The following STXBP5 variants were observed in gnomAD, a reference collection of about 807,000 sequenced individuals.
The protein encoded by STXBP5 is syntaxin binding protein 5.
In STXBP5, 50 loss-of-function variants were observed where a neutral mutation model predicts 152.4. The observed-to-expected ratio is 0.33, with a 90% CI of 0.26 to 0.42. STXBP5 has a LOEUF of 0.42. Ranked by LOEUF, STXBP5 falls within the 10% of genes least tolerant of loss-of-function variation. STXBP5 has a pLI of 1.00. For synonymous variants in STXBP5, 492 were observed against 494.7 expected (o/e 0.99, Z 0.07); for missense variants, 1,167 against 1,388.6 (o/e 0.84, Z 2.54).
rs150494629 is a variant in STXBP5 at position 147,233,734 on chromosome 6, C to G, written c.249-1516C>G. Among the ~76,000 whole-genome samples, 556 of 151,516 alleles carry G rather than the reference C, an allele frequency of 3.7e-3. 5 individuals are homozygous for G. The highest frequency in any genetic ancestry group is 0.013 in the African/African-American group (523 of 41,502). On this transcript the variant is annotated intron_variant, in intron 2 of 27. Transcript: ENST00000321680. ...AGATACAGACTTTTCTTTTTTTGGC[C>G]TATCACGGTGTGATTTGCACATTGC...
At chr6:147,244,176 A>G (rs377628763) in intron 4 of STXBP5, among the ~76,000 whole-genome samples, 11 of 152,356 alleles carry the variant, frequency 7.2e-5, no homozygotes, top group African/African-American at 2.6e-4. Flanking sequence ...GGATGTGCAT[A>G]GGCTATATGC....
rs17054180 is a variant in STXBP5 at position 147,283,434 on chromosome 6, C to G, written c.838+5230C>G. ...TATGTATTTGAAAAGACTTACCAGA[C>G]TCCACAGAGCATACTCAAACAAGAC... On this transcript the variant is annotated intron_variant, in intron 8 of 27. Transcript: ENST00000321680. Among the ~76,000 whole-genome samples, 1,516 of 152,260 alleles carry G rather than the reference C, an allele frequency of 1.0e-2. 67 individuals are homozygous for G. In the East Asian group the frequency reaches 0.16, roughly 16 times the overall value.
intron 7 of STXBP5, among the ~76,000 whole-genome samples, chr6:147,274,270 ATTC>A (rs1005229691): frequency 3.3e-5 from 5 of 152,210 alleles, no homozygotes; most frequent in Non-Finnish European, 5.9e-5. Context: ...TCATTCATTC[ATTC>A]TTCTTTAGAG....
At chr6:147,292,141 C>T (rs1781309670) in intron 9 of STXBP5, 1 of 386,084 alleles carries the variant, frequency 2.6e-6, no homozygotes, top group Admixed American at 3.2e-5. Context: ...ACAACTGGCC[C>T]ACTCACTTTT....
intron 2 of STXBP5, among the ~76,000 whole-genome samples, chr6:147,233,848 A>G (rs1778134974): frequency 6.7e-6 from 1 of 150,254 alleles, no homozygotes. Flanking sequence ...TACTACTACT[A>G]TTACTATTAT....
At chr6:147,266,031 G>A (rs545611387) in intron 6 of STXBP5, among the ~76,000 whole-genome samples, 1 of 152,164 alleles carries the variant, frequency 6.6e-6, no homozygotes, top group African/African-American at 2.4e-5. Context: ...AAGATGAGAA[G>A]GACTAGTCAG....
chr6:147,315,244 A>T (rs138954276), intron 14 of STXBP5, among the ~76,000 whole-genome samples: 24 of 152,256 alleles, frequency 1.6e-4, no homozygotes, highest in Non-Finnish European at 3.4e-4. Context: ...ATTTTTCCAA[A>T]ATGTTTTTAT....
rs1157098794 is a variant in STXBP5, at chr6:147,374,328, ATGCT to A, written c.3193+489_3193+492del. On this transcript the variant is annotated intron_variant, in intron 26 of 27. Coordinates refer to ENST00000321680, the MANE Select transcript of STXBP5 (RefSeq NM_001127715.4). ...CTTGAATGAACTAATGAATCAGTGA[ATGCT>A]TGACCTTTCTTATGAATGGCAGCTA... Among the ~76,000 whole-genome samples the A allele has an allele frequency of 2.6e-5, 4 of 152,298 alleles. No homozygotes were observed. In the East Asian group the frequency reaches 5.8e-4, roughly 22 times the overall value.
chr6:147,373,640 CTTAAG>C (rs566034055), intron 25 of STXBP5, 86 bp from the exon 26 acceptor site: 340 of 851,050 alleles, frequency 4.0e-4, no homozygotes, highest in South Asian at 1.2e-3. Context: ...ATGTTCTGAG[CTTAAG>C]TTAAGGAGTT....
At chr6:147,302,034 G>A (rs1451679629) in intron 9 of STXBP5, among the ~76,000 whole-genome samples, 1 of 152,122 alleles carries the variant, frequency 6.6e-6, no homozygotes, top group Non-Finnish European at 1.5e-5. Flanking sequence ...AGCTGTGTAA[G>A]TATATGCCCA....
At chr6:147,236,835 A>G (rs1467334788) in intron 3 of STXBP5, among the ~76,000 whole-genome samples, 4 of 150,776 alleles carry the variant, frequency 2.7e-5, no homozygotes, top group Non-Finnish European at 5.9e-5. Context: ...CTGGCATGCA[A>G]TGGCGTGGTC....
At chr6:147,270,605 C>G (rs1279350826) in intron 7 of STXBP5, among the ~76,000 whole-genome samples, 1 of 151,588 alleles carries the variant, frequency 6.6e-6, no homozygotes, top group Admixed American at 6.6e-5. Context: ...ACTTGCAGAC[C>G]TCAACTATAA....
intron 23 of STXBP5, among the ~76,000 whole-genome samples, chr6:147,360,435 A>G (rs1305901276): frequency 6.6e-6 from 1 of 152,242 alleles, no homozygotes; most frequent in Non-Finnish European, 1.5e-5. Context: ...TACATAGAGC[A>G]AGATTTCAGG....
rs1786286259 is a variant in STXBP5, at chr6:147,385,285, T to G, written c.*530T>G. On this transcript the variant is annotated 3_prime_UTR_variant, in exon 28 of 28. Coordinates refer to ENST00000321680, the MANE Select transcript of STXBP5 (RefSeq NM_001127715.4). ...TAGTGAAAAAGAAACAAATTGTTTGTTATCATCTCTTTAGACAGATAAGCT... is the reference window on the plus strand; with the variant it reads ...TAGTGAAAAAGAAACAAATTGTTTGGTATCATCTCTTTAGACAGATAAGCT... 1 of 152,588 alleles carries G rather than the reference T, an allele frequency of 6.6e-6. No homozygotes were observed. Among genetic ancestry groups the G allele is most frequent in the Non-Finnish European group, 1.5e-5 (1 of 68,378 alleles). The allele number at this position is 152,588 out of a possible 1,614,324, so 9.5% of individuals were successfully genotyped here. A position where few individuals can be genotyped will look rare whatever the true frequency, so the allele number is the denominator to read the frequency against.
At chr6:147,220,340 G>A (rs1167845084) in intron 2 of STXBP5, among the ~76,000 whole-genome samples, 1 of 152,014 alleles carries the variant, frequency 6.6e-6, no homozygotes. Context: ...AGAAGAATGT[G>A]TGTTTTGCTG....
intron 16 of STXBP5, among the ~76,000 whole-genome samples, chr6:147,317,849 G>A (rs962450136): frequency 1.3e-5 from 2 of 152,134 alleles, no homozygotes; most frequent in African/African-American, 4.8e-5. Flanking sequence ...TAAATGTTCC[G>A]TTAATGCCCT....
intron 2 of STXBP5, among the ~76,000 whole-genome samples, chr6:147,221,937 C>T (rs941575457): frequency 6.6e-6 from 1 of 151,858 alleles, no homozygotes; most frequent in African/African-American, 2.4e-5. Context: ...ATACTCTGTT[C>T]TGTTTTTTTC....
intron 8 of STXBP5, 145 bp from the exon 9 acceptor site, chr6:147,290,949 T>C (rs1460640003): frequency 5.9e-6 from 3 of 506,368 alleles, no homozygotes; most frequent in Non-Finnish European, 1.0e-5. Context: ...AATATCTTAC[T>C]GTGTATTAAA....
chr6:147,364,678 T>C (rs1335571496), intron 25 of STXBP5, among the ~76,000 whole-genome samples: 3 of 152,190 alleles, frequency 2.0e-5, no homozygotes, highest in Non-Finnish European at 2.9e-5. Flanking sequence ...AATGTGTCCT[T>C]TTTTAAGTAT....
Sources: gnomAD v4.1 joint callset for allele counts (sites outside exome capture counted in the v4.1 genomes callset) on GRCh38, gnomAD v4.1.1 for gene constraint, MANE v1.5 for transcripts, NCBI Gene and HGNC (gene_info 2026-07-23, HGNC 2026-07-21) for gene names.